Variants in PCDHGB4 observed in about 807,000 individuals in gnomAD.
The protein encoded by PCDHGB4 is protocadherin gamma subfamily B, 4, also known as protocadherin gamma-B4.
A neutral mutation model predicts 60.5 loss-of-function variants in PCDHGB4; 38 were observed. That is an observed-to-expected ratio of 0.63 (90% confidence interval 0.48 to 0.82). The LOEUF (loss-of-function observed/expected upper bound fraction) is 0.82, where lower values mean the gene tolerates loss of function less well. Ranked by LOEUF, PCDHGB4 falls within the 40% of genes least tolerant of loss-of-function variation. The pLI is 0.00. For synonymous variants in PCDHGB4, 456 were observed against 509.7 expected (o/e 0.89, Z 1.42); for missense variants, 1,109 against 1,209.6 (o/e 0.92, Z 1.23).
chr5:141,392,060 G>A (rs537832041), intron 1 of PCDHGB4: 11 of 151,956 alleles, frequency 7.2e-5, no homozygotes, highest in Non-Finnish European at 1.5e-4. Context: ...AAATATTATC[G>A]ACATGTAATT....
intron 1 of PCDHGB4, among the ~76,000 whole-genome samples, chr5:141,488,497 C>CA (rs1415483796): frequency 4.6e-5 from 7 of 152,204 alleles, no homozygotes; most frequent in African/African-American, 1.7e-4. Flanking sequence ...CTGTAACACT[C>CA]ATTCCACATT....
chr5:141,449,283 A>C (rs937339676), intron 1 of PCDHGB4, among the ~76,000 whole-genome samples: 1 of 152,102 alleles, frequency 6.6e-6, no homozygotes, highest in African/African-American at 2.4e-5. Flanking sequence ...CTTCACCCGG[A>C]TGCACCGGGT....
At position 141,476,901 on chromosome 5, in the gene PCDHGB4, G is replaced by C; in HGVS notation, c.2398-17906G>C. On this transcript the variant is annotated intron_variant, in intron 1 of 3. Coordinates refer to ENST00000519479, the MANE Select transcript of PCDHGB4 (RefSeq NM_003736.4). The surrounding 1 kb of genome is among the most constrained non-coding windows in gnomAD (Gnocchi z 7.6). ...CTGGAGGATGCACCCTCCGGCACGC[G>C]CGTGGTACAAGTCCTTGCAACGGAT... The C allele has an allele frequency of 1.2e-6, 2 of 1,613,900 alleles. No homozygotes were observed. Among genetic ancestry groups the C allele is most frequent in the Non-Finnish European group, 1.7e-6 (2 of 1,180,034 alleles).
chr5:141,458,540 TTTTG>T (rs754668779), intron 1 of PCDHGB4, among the ~76,000 whole-genome samples: 43 of 150,468 alleles, frequency 2.9e-4, no homozygotes, highest in East Asian at 1.7e-3. Context: ...ATCAACTTTA[TTTTG>T]TTTGTTTGTT....
chr5:141,399,612 G>A (rs1191904235), intron 1 of PCDHGB4: 1 of 1,613,812 alleles, frequency 6.2e-7, no homozygotes, highest in African/African-American at 1.3e-5. Flanking sequence ...TAGAGCCTCT[G>A]GCACTGGCCT....
At chr5:141,419,297 G>A (rs1460451634) in intron 1 of PCDHGB4, 1 of 1,614,048 alleles carries the variant, frequency 6.2e-7, no homozygotes, top group Admixed American at 1.7e-5. Context: ...CTCTGACCCA[G>A]ACTTCGGGCT....
At chr5:141,446,697 C>T (rs1254994356) in intron 1 of PCDHGB4, among the ~76,000 whole-genome samples, 9 of 152,134 alleles carry the variant, frequency 5.9e-5, no homozygotes, top group Admixed American at 5.9e-4. Context: ...AGGCTGGTCT[C>T]GAACTCTGAT....
intron 1 of PCDHGB4, among the ~76,000 whole-genome samples, chr5:141,456,135 G>A (rs1422353665): frequency 6.6e-6 from 1 of 152,052 alleles, no homozygotes; most frequent in Non-Finnish European, 1.5e-5. Context: ...CTGACCTCCT[G>A]ATCCGCCCGC....
At chr5:141,506,962 G>A (rs2099857578) in intron 3 of PCDHGB4, 1 of 152,196 alleles carries the variant, frequency 6.6e-6, no homozygotes, top group Non-Finnish European at 1.5e-5. Context: ...CCTCTCAATA[G>A]CTCTGCAAGG....
chr5:141,459,909 G>A (rs7446907), intron 1 of PCDHGB4, among the ~76,000 whole-genome samples: 42,418 of 152,010 alleles, frequency 0.28, 6,645 homozygotes, highest in African/African-American at 0.43. Flanking sequence ...TGAGCTATGG[G>A]AGTTTTAAAA....
intron 1 of PCDHGB4, chr5:141,392,972 G>C (rs2092640426): frequency 6.2e-7 from 1 of 1,613,802 alleles, no homozygotes; most frequent in African/African-American, 1.3e-5. Context: ...AGGACCTGGG[G>C]CTGGACCCCC....
At chr5:141,404,129 A>C in intron 1 of PCDHGB4, 2 of 1,613,162 alleles carry the variant, frequency 1.2e-6, no homozygotes, top group Non-Finnish European at 1.7e-6. Context: ...TCTATCTTTT[A>C]CATTAGAAAA....
chr5:141,448,565 AT>A (rs2098595794), intron 1 of PCDHGB4, among the ~76,000 whole-genome samples: 1 of 152,070 alleles, frequency 6.6e-6, no homozygotes, highest in Non-Finnish European at 1.5e-5. Flanking sequence ...ATATATTTTT[AT>A]TTCCCCATTT....
chr5:141,418,626 C>A (rs1237600131), intron 1 of PCDHGB4: 2 of 1,613,902 alleles, frequency 1.2e-6, no homozygotes, highest in African/African-American at 2.7e-5. Context: ...GAAGACGTGC[C>A]TCCAGGCACC....
intron 1 of PCDHGB4, chr5:141,421,426 A>T: frequency 1.2e-6 from 2 of 1,614,104 alleles, no homozygotes; most frequent in Non-Finnish European, 8.5e-7. Flanking sequence ...CGGAGTCCGC[A>T]TCGTCTCCAG....
chr5:141,400,923 T>C (rs1453975530), intron 1 of PCDHGB4, among the ~76,000 whole-genome samples: 1 of 152,260 alleles, frequency 6.6e-6, no homozygotes, highest in Admixed American at 6.5e-5. Flanking sequence ...AAGAAACTGC[T>C]AGTAGATGTC....
At chr5:141,403,638 A>C in intron 1 of PCDHGB4, 1 of 1,613,906 alleles carries the variant, frequency 6.2e-7, no homozygotes, top group East Asian at 2.2e-5. Context: ...GTGCGCATCC[A>C]TGTGACAGTG....
In PCDHGB4 at chr5:141,408,035, C is replaced by T. The variant is rs886766467; in HGVS notation, c.2397+17754C>T. On this transcript the variant is annotated intron_variant, in intron 1 of 3. Transcript: ENST00000519479. ...CAGCCAACAACAGAAAGAAGAAAAC[C>T]AGCTCCCACACAGAGCCTCCCGGCT... 7.1e-6 allele frequency: 8 copies of T among 1,130,910 alleles called. No homozygotes were observed. The African/African-American group carries it at 7.8e-5, about 11-fold the overall frequency. 70.1% of individuals were successfully genotyped at this position (1,130,910 alleles called of 1,614,324 possible).
chr5:141,501,288 T>TACAC (rs1562199973), intron 2 of PCDHGB4, among the ~76,000 whole-genome samples: 2 of 81,228 alleles, frequency 2.5e-5, no homozygotes, highest in Admixed American at 1.6e-4. Flanking sequence ...GATATTCCCT[T>TACAC]ATACACACAC....
Sources: gnomAD v4.1 joint callset for allele counts (sites outside exome capture counted in the v4.1 genomes callset) on GRCh38, gnomAD v4.1.1 for gene constraint, Gnocchi (gnomAD v3.1) non-coding constraint, MANE v1.5 for transcripts, NCBI Gene and HGNC (gene_info 2026-07-23, HGNC 2026-07-21) for gene names.